VAT1L: variants seen among roughly 807,000 people sequenced by gnomAD.
VAT1L encodes the protein vesicle amine transport 1 like.
In VAT1L, 34 loss-of-function variants were observed where a neutral mutation model predicts 44.1. The ratio of observed to expected loss-of-function variants is 0.77; its 90% CI spans 0.59 to 1.03. VAT1L has a LOEUF of 1.03. Ranked by LOEUF, VAT1L falls within the 50% of genes least tolerant of loss-of-function variation. VAT1L has a pLI of 0.00. For missense variants in VAT1L, 615 were observed against 538.8 expected (o/e 1.14, Z -1.40); for synonymous variants, 253 against 202.2 (o/e 1.25, Z -2.13).
At chr16:77,850,572 A>G (rs1462408570) in intron 3 of VAT1L, among the ~76,000 whole-genome samples, 3 of 152,284 alleles carry the variant, frequency 2.0e-5, no homozygotes, top group East Asian at 3.9e-4. Flanking sequence ...TTCATTCTCA[A>G]AAAGAGTCCC....
At chr16:77,920,729 T>C (rs889401425) in intron 7 of VAT1L, among the ~76,000 whole-genome samples, 18 of 152,202 alleles carry the variant, frequency 1.2e-4, no homozygotes, top group Admixed American at 5.2e-4. Flanking sequence ...TGGGTTACAA[T>C]TGCTTACAGT....
At chr16:77,890,922 G>GAAA (rs57157062) in intron 7 of VAT1L, among the ~76,000 whole-genome samples, 1 of 129,134 alleles carries the variant, frequency 7.7e-6, no homozygotes, top group Non-Finnish European at 1.7e-5. Context: ...AGACCCTGTC[G>GAAA]AAAAAAAAAA....
At chr16:77,922,920 G>A (rs1027141253) in intron 7 of VAT1L, among the ~76,000 whole-genome samples, 2 of 152,142 alleles carry the variant, frequency 1.3e-5, no homozygotes, top group African/African-American at 4.8e-5. Flanking sequence ...TTATAATGCA[G>A]ATTCCGGGAC....
At chr16:77,908,909 G>T (rs1025801935) in intron 7 of VAT1L, among the ~76,000 whole-genome samples, 1 of 152,000 alleles carries the variant, frequency 6.6e-6, no homozygotes, top group Admixed American at 6.6e-5. Flanking sequence ...GCAAGACCCC[G>T]TCTTAAAAAC....
At chr16:77,920,654 A>G (rs2017601835) in intron 7 of VAT1L, among the ~76,000 whole-genome samples, 1 of 152,158 alleles carries the variant, frequency 6.6e-6, no homozygotes, top group Non-Finnish European at 1.5e-5. Context: ...GATCCCATAA[A>G]ATTCTAATAC....
intron 1 of VAT1L, 30 bp downstream of exon 1, chr16:77,788,945 C>G (rs371134947): frequency 9.3e-5 from 134 of 1,448,390 alleles, no homozygotes; most frequent in Non-Finnish European, 1.1e-4. Flanking sequence ...CTCGCTTTCT[C>G]TCTTTTTGCG....
At chr16:77,942,160 A>T (rs949909464) in intron 7 of VAT1L, among the ~76,000 whole-genome samples, 1 of 152,192 alleles carries the variant, frequency 6.6e-6, no homozygotes, top group Non-Finnish European at 1.5e-5. Context: ...TCACAGTTCC[A>T]TGTGGCTGGG....
chr16:77,854,633 C>G lies in VAT1L; in HGVS notation c.580-8115C>G, dbSNP rs181029373. Among the ~76,000 whole-genome samples the G allele has an allele frequency of 7.9e-5, 12 of 152,230 alleles. No individual in the cohort carries two copies. The South Asian group carries it at 2.5e-3, about 32-fold the overall frequency. On this transcript the variant is annotated intron_variant, in intron 3 of 8. Coordinates refer to ENST00000302536, the MANE Select transcript of VAT1L (RefSeq NM_020927.3). ...CAGTTATTTTTGCTCATCTAAGTAC[C>G]TCTATGCGTCGATGAAGATGAAAAA...
chr16:77,834,043 A>T (rs149614410), intron 3 of VAT1L, among the ~76,000 whole-genome samples: 1 of 152,080 alleles, frequency 6.6e-6, no homozygotes, highest in African/African-American at 2.4e-5. Flanking sequence ...TTCACTCCTT[A>T]CTTGCAACCA....
At chr16:77,897,803 C>T (rs2017339958) in intron 7 of VAT1L, among the ~76,000 whole-genome samples, 1 of 152,166 alleles carries the variant, frequency 6.6e-6, no homozygotes, top group African/African-American at 2.4e-5. Flanking sequence ...CCTTCCACTT[C>T]CTAGTGGTTT....
chr16:77,965,494 A>T (rs2018213539), intron 7 of VAT1L, among the ~76,000 whole-genome samples: 1 of 152,188 alleles, frequency 6.6e-6, no homozygotes, highest in African/African-American at 2.4e-5. Flanking sequence ...TGCTTGAATG[A>T]CATGACTCAG....
intron 3 of VAT1L, among the ~76,000 whole-genome samples, chr16:77,860,745 A>G (rs1272837971): frequency 6.6e-6 from 1 of 152,240 alleles, no homozygotes; most frequent in African/African-American, 2.4e-5. Flanking sequence ...AGAAGGCAGG[A>G]GAATTAAACA....
chr16:77,892,957 A>C, intron 7 of VAT1L: 2 of 800,076 alleles, frequency 2.5e-6, no homozygotes, highest in Non-Finnish European at 4.3e-6. Context: ...AGACCATTCT[A>C]TCTGTAGCTC....
At chr16:77,810,311 G>A (rs1294154858) in intron 1 of VAT1L, among the ~76,000 whole-genome samples, 1 of 152,040 alleles carries the variant, frequency 6.6e-6, no homozygotes, top group African/African-American at 2.4e-5. Context: ...TTCAGACCTC[G>A]CCCCAGATCT....
chr16:77,792,979 CT>C (rs1329330524), intron 1 of VAT1L, among the ~76,000 whole-genome samples: 1 of 152,124 alleles, frequency 6.6e-6, no homozygotes, highest in Non-Finnish European at 1.5e-5. Flanking sequence ...GCCGTATAAA[CT>C]TTAGTTTATT....
intron 1 of VAT1L, among the ~76,000 whole-genome samples, chr16:77,794,576 G>C (rs1051704824): frequency 2.0e-5 from 3 of 152,206 alleles, no homozygotes; most frequent in African/African-American, 7.2e-5. Context: ...TCACCAGTAA[G>C]GTTGATGCAA....
At chr16:77,791,153 G>C (rs149713295) in intron 1 of VAT1L, among the ~76,000 whole-genome samples, 23 of 152,320 alleles carry the variant, frequency 1.5e-4, no homozygotes, top group Admixed American at 2.0e-4. Flanking sequence ...TCTGGGCTGG[G>C]ATTGGCTGGC....
At chr16:77,912,399 G>C (rs1188062786) in intron 7 of VAT1L, among the ~76,000 whole-genome samples, 1 of 152,082 alleles carries the variant, frequency 6.6e-6, no homozygotes, top group South Asian at 2.1e-4. Flanking sequence ...AATGGTTGAG[G>C]CTGAGTGAAT....
intron 1 of VAT1L, among the ~76,000 whole-genome samples, chr16:77,790,745 G>C (rs1229864734): frequency 6.6e-6 from 1 of 152,158 alleles, no homozygotes; most frequent in African/African-American, 2.4e-5. Context: ...TACATATTCA[G>C]AGAGGGAAAA....
Sources: gnomAD v4.1 joint callset for allele counts (sites outside exome capture counted in the v4.1 genomes callset) on GRCh38, gnomAD v4.1.1 for gene constraint, MANE v1.5 for transcripts, NCBI Gene and HGNC (gene_info 2026-07-23, HGNC 2026-07-21) for gene names.